C7: variants seen among roughly 807,000 people sequenced by gnomAD.
The protein encoded by C7 is complement C7.
In C7, 83 loss-of-function variants were observed where a neutral mutation model predicts 104.8. That is an observed-to-expected ratio of 0.79 (90% confidence interval 0.66 to 0.95). The LOEUF (loss-of-function observed/expected upper bound fraction) is 0.95. Ranked by LOEUF, C7 falls within the 40% of genes least tolerant of loss-of-function variation. C7 has a pLI of 0.00. For synonymous variants in C7, 415 were observed against 360.6 expected (o/e 1.15, Z -1.71); for missense variants, 1,070 against 1,011.2 (o/e 1.06, Z -0.79).
In C7 at chr5:40,938,773, G is replaced by A. The variant is rs573159437; in HGVS notation, c.567+1083G>A. 7.9e-5 allele frequency among the ~76,000 whole-genome samples: 12 copies of A among 152,184 alleles called. No homozygotes were observed. The East Asian group carries it at 2.1e-3, about 27-fold the overall frequency. Reference sequence around the variant, plus strand: ...CTGTCATACACACCTAAACTCACCCGTGAGTAGGTTTTGATCAACACAATA... The same window carrying A: ...CTGTCATACACACCTAAACTCACCCATGAGTAGGTTTTGATCAACACAATA... On this transcript the variant is annotated intron_variant, in intron 6 of 17. Transcript: ENST00000313164.
chr5:40,925,678 T>C (rs937968279), intron 1 of C7, among the ~76,000 whole-genome samples: 1 of 152,264 alleles, frequency 6.6e-6, no homozygotes, highest in South Asian at 2.1e-4. Flanking sequence ...AGAGGTTTAA[T>C]TGGGTCTTGG....
chr5:40,972,194 T>A, intron 14 of C7: 1 of 589,750 alleles, frequency 1.7e-6, no homozygotes, highest in Non-Finnish European at 3.0e-6. Context: ...GAGGGGGAGC[T>A]GTTTTGGTTT....
At chr5:40,973,020 A>C (rs932958161) in intron 15 of C7, among the ~76,000 whole-genome samples, 1 of 152,164 alleles carries the variant, frequency 6.6e-6, no homozygotes, top group Non-Finnish European at 1.5e-5. Flanking sequence ...CAAAGAGTTT[A>C]TCAGTATTTC....
chr5:40,952,862 T>C (rs1490718211), intron 9 of C7, among the ~76,000 whole-genome samples: 1 of 152,222 alleles, frequency 6.6e-6, no homozygotes, highest in Non-Finnish European at 1.5e-5. Flanking sequence ...TGGATGAAGC[T>C]GGAAACCATC....
intron 1 of C7, among the ~76,000 whole-genome samples, chr5:40,914,756 C>T (rs564032099): frequency 9.9e-4 from 150 of 152,278 alleles, no homozygotes; most frequent in African/African-American, 3.0e-3. Flanking sequence ...CATCCCTATT[C>T]TCAAGAGAAT....
At chr5:40,965,148 T>C (rs975191910) in intron 14 of C7, among the ~76,000 whole-genome samples, 2 of 152,224 alleles carry the variant, frequency 1.3e-5, no homozygotes, top group African/African-American at 4.8e-5. Context: ...TGAAGACCAT[T>C]AGGATATTCT....
At chr5:40,968,582 A>G (rs1238738882) in intron 14 of C7, among the ~76,000 whole-genome samples, 1 of 55,318 alleles carries the variant, frequency 1.8e-5, no homozygotes, top group Non-Finnish European at 3.4e-5. Context: ...ATATATATAT[A>G]TATATATATA....
chr5:40,978,469 A>G (rs946710990), intron 16 of C7, among the ~76,000 whole-genome samples: 11 of 152,280 alleles, frequency 7.2e-5, no homozygotes, highest in African/African-American at 2.6e-4. Flanking sequence ...ATACATTTCC[A>G]TGTCATTCCA....
At chr5:40,964,692 A>G (rs879221319) in intron 13 of C7, 49 bp from the exon 14 acceptor site, 1 of 1,560,744 alleles carries the variant, frequency 6.4e-7, no homozygotes, top group South Asian at 1.1e-5. Context: ...CGTTTTGTTA[A>G]TGCAAAATAG....
At chr5:40,920,537 A>T (rs1366960174) in intron 1 of C7, among the ~76,000 whole-genome samples, 92 of 103,240 alleles carry the variant, frequency 8.9e-4, no homozygotes, top group African/African-American at 2.9e-3. Context: ...TTCTCCCATT[A>T]AAAAAAAAAA....
chr5:40,978,399 C>T (rs1205040419), intron 16 of C7, among the ~76,000 whole-genome samples: 1 of 152,112 alleles, frequency 6.6e-6, no homozygotes, highest in Non-Finnish European at 1.5e-5. Flanking sequence ...CATTTTCATC[C>T]TCTTTCCAAC....
intron 15 of C7, among the ~76,000 whole-genome samples, chr5:40,976,149 C>T (rs890759269): frequency 1.3e-5 from 2 of 152,208 alleles, no homozygotes; most frequent in Non-Finnish European, 2.9e-5. Flanking sequence ...CATTTATTCA[C>T]TGTTGAGGGA....
At chr5:40,961,678 A>G (rs324057) in intron 12 of C7, among the ~76,000 whole-genome samples, 118,514 of 152,122 alleles carry the variant, frequency 0.78, 46,235 homozygotes, top group South Asian at 0.93. Flanking sequence ...GAGCTGTCGC[A>G]TCTCGTCCAA....
At chr5:40,936,306 T>G in intron 4 of C7, 32 bp from the exon 5 acceptor site, 1 of 1,612,004 alleles carries the variant, frequency 6.2e-7, no homozygotes, top group Non-Finnish European at 8.5e-7. Context: ...TTCCCTCTTT[T>G]ACATTTGCAC....
At chr5:40,937,319 G>T in intron 5 of C7, 1 of 289,916 alleles carries the variant, frequency 3.4e-6, no homozygotes, top group Non-Finnish European at 6.3e-6. Flanking sequence ...AAAGAATGTT[G>T]GATTTTCTGA....
At chr5:40,924,543 G>A (rs952958054) in intron 1 of C7, among the ~76,000 whole-genome samples, 2 of 151,730 alleles carry the variant, frequency 1.3e-5, no homozygotes, top group African/African-American at 4.8e-5. Flanking sequence ...GGGACTGTGT[G>A]GGGGGGTTCC....
chr5:40,936,392 A>G lies in C7; in HGVS notation c.335A>G (p.Asp112Gly), dbSNP rs1388121799. 1.2e-6 allele frequency: 2 copies of G among 1,613,358 alleles called. No individual in the cohort carries two copies. The highest frequency in any genetic ancestry group is 1.7e-6 in the Non-Finnish European group (2 of 1,179,456). ...VCNGDSDCDE[D>G]SADEDRCEDS... is the part of the protein sequence containing the mutation. Reference sequence around the variant, plus strand: ...AATGGGGATTCTGACTGTGATGAAGACAGTGCTGATGAAGACAGATGTGAG... The same window carrying G: ...AATGGGGATTCTGACTGTGATGAAGGCAGTGCTGATGAAGACAGATGTGAG... The change falls in exon 5 of 18, where the codon GAC (aspartate) becomes GGC (glycine). Residue 112 changes from aspartate (D) to glycine (G), a missense_variant. By Grantham distance (94) the Asp-to-Gly change is moderately conservative. Transcript: ENST00000313164.
chr5:40,931,100 T>C lies in C7; in HGVS notation c.99T>C (p.Tyr33=). The C allele has an allele frequency of 1.2e-6, 2 of 1,613,716 alleles. No homozygotes were observed. Among genetic ancestry groups the C allele is most frequent in the Non-Finnish European group, 8.5e-7 (1 of 1,179,676 alleles). Residue 33 remains tyrosine, a synonymous_variant, in exon 3 of 18, where the codon TAT becomes TAC. Coordinates refer to ENST00000313164, the MANE Select transcript of C7 (RefSeq NM_000587.4). Reference sequence around the variant, plus strand: ...CAGTCAACTGCCAGTGGGACTTCTATGCCCCTTGGTCAGAATGCAATGGCT... The same window carrying C: ...CAGTCAACTGCCAGTGGGACTTCTACGCCCCTTGGTCAGAATGCAATGGCT... ...SSPVNCQWDF[Y]APWSECNGCT... is the part of the protein sequence containing the mutation.
chr5:40,943,456 G>C (rs1356654878), intron 6 of C7, among the ~76,000 whole-genome samples: 1 of 152,104 alleles, frequency 6.6e-6, no homozygotes, highest in Non-Finnish European at 1.5e-5. Context: ...GATGATTCCT[G>C]CAGCTATGTG....
Sources: allele counts gnomAD v4.1 joint callset (sites outside exome capture counted in the v4.1 genomes callset), GRCh38; gene constraint gnomAD v4.1.1; transcripts MANE v1.5; gene names NCBI Gene and HGNC (gene_info 2026-07-23, HGNC 2026-07-21).